The following IGSF11 variants were observed in gnomAD, a reference collection of about 807,000 sequenced individuals.
The protein encoded by IGSF11 is CXADR like 1.
IGSF11 carries 22 observed loss-of-function variants against 41.0 expected under a neutral mutation model. The ratio of observed to expected loss-of-function variants is 0.54; its 90% CI spans 0.38 to 0.77. IGSF11 has a LOEUF of 0.77. Among genes scored for constraint, IGSF11 ranks in the 30% least tolerant of loss-of-function variants. IGSF11 has a pLI of 0.00. For synonymous variants in IGSF11, 219 were observed against 201.3 expected, an observed-to-expected ratio of 1.09 and a Z score of -0.74; for missense variants, 444 against 530.8, an observed-to-expected ratio of 0.84 and a Z score of 1.61.
intron 1 of IGSF11, among the ~76,000 whole-genome samples, chr3:118,939,268 T>C (rs1381537857): frequency 2.0e-5 from 3 of 152,166 alleles, no homozygotes; most frequent in Non-Finnish European, 2.9e-5. Flanking sequence ...AAAACCATCA[T>C]GTATTTTTTT....
At chr3:119,065,500 G>A (rs1490812286) in intron 1 of IGSF11, among the ~76,000 whole-genome samples, 1 of 152,018 alleles carries the variant, frequency 6.6e-6, no homozygotes, top group Non-Finnish European at 1.5e-5. Context: ...CTCACAAAAA[G>A]CAAGGAAGCA....
chr3:119,088,519 A>G (rs2076713994), intron 1 of IGSF11, among the ~76,000 whole-genome samples: 1 of 152,162 alleles, frequency 6.6e-6, no homozygotes. Flanking sequence ...TAAAGGCACT[A>G]CAAAAAAACA....
chr3:118,914,703 T>G, intron 4 of IGSF11, among the ~76,000 whole-genome samples: 1 of 143,262 alleles, frequency 7.0e-6, no homozygotes, highest in African/African-American at 2.7e-5. Context: ...TTGCCCAGGC[T>G]TGCTTAGGTA....
At chr3:119,004,299 C>T (rs1378083919) in intron 1 of IGSF11, among the ~76,000 whole-genome samples, 13 of 151,630 alleles carry the variant, frequency 8.6e-5, no homozygotes, top group Non-Finnish European at 1.5e-4. Context: ...TCTGTGGGAT[C>T]GGTGGTGATA....
In IGSF11 at chr3:119,017,039, C is replaced by CAAAA. The variant is rs60190891; in HGVS notation, c.52+17488_52+17491dup. On this transcript the variant is annotated intron_variant, in intron 1 of 6. Transcript: ENST00000393775. ...TGAGCAAAGTTAAATGGACGCAGGA[C>CAAAA]AAAAAAAAAAAAAAAAAAGCCAACT... 4.3e-4 allele frequency among the ~76,000 whole-genome samples: 38 copies of CAAAA among 88,320 alleles called. 1 individual carries two copies. The highest frequency in any genetic ancestry group is 1.2e-3 in the African/African-American group (33 of 26,752). 57.9% of individuals were successfully genotyped at this position (88,320 alleles called of 152,430 possible).
intron 1 of IGSF11, among the ~76,000 whole-genome samples, chr3:118,944,457 TACACACAC>T (rs3079206): frequency 0.13 from 16,280 of 125,690 alleles, 1,135 homozygotes; most frequent in Admixed American, 0.2. Flanking sequence ...TAGCTTGAAA[TACACACAC>T]ACACACACAC....
chr3:119,144,952 C>T (rs765787967), intron 1 of IGSF11, among the ~76,000 whole-genome samples: 3 of 152,070 alleles, frequency 2.0e-5, no homozygotes, highest in African/African-American at 4.8e-5. Flanking sequence ...AGCCCAAGAC[C>T]TATTTTACTC....
intron 1 of IGSF11, among the ~76,000 whole-genome samples, chr3:118,984,095 T>C (rs1053729529): frequency 2.0e-5 from 3 of 151,928 alleles, no homozygotes; most frequent in Admixed American, 6.6e-5. Flanking sequence ...TTCTAGTCTA[T>C]AAAATCTTTT....
At position 119,093,028 on chromosome 3, in the gene IGSF11, C is replaced by A. The variant is rs371303655; in HGVS notation, c.49+12116G>T. ...ACACTGTATGATGTTTGCACAATGA[C>A]AAAATTATCTAACAATGCATTTTTC... On this transcript the variant is annotated intron_variant, in intron 1 of 6. Coordinates refer to the IGSF11 transcript ENST00000354673. Among the ~76,000 whole-genome samples, 10 of 150,498 alleles carry A rather than the reference C, an allele frequency of 6.6e-5. No individual in the cohort carries two copies. In the South Asian group the frequency reaches 2.1e-3, roughly 32 times the overall value.
chr3:118,929,573 AT>A (rs900860557), intron 2 of IGSF11, among the ~76,000 whole-genome samples: 4 of 152,282 alleles, frequency 2.6e-5, no homozygotes. Flanking sequence ...TCTACAAATT[AT>A]GTGTCTTTTT....
chr3:119,140,817 G>A (rs1344878853), intron 1 of IGSF11, among the ~76,000 whole-genome samples: 4 of 151,960 alleles, frequency 2.6e-5, no homozygotes, highest in Non-Finnish European at 4.4e-5. Context: ...GCCGAGGAGG[G>A]TGGATCACCT....
intron 4 of IGSF11, among the ~76,000 whole-genome samples, chr3:118,913,003 AAAG>A (rs1940534458): frequency 6.6e-6 from 1 of 152,058 alleles, no homozygotes. Flanking sequence ...CCATCTCTTA[AAAG>A]AAGGAAAGAA....
chr3:119,018,342 T>C (rs564685068), intron 1 of IGSF11, among the ~76,000 whole-genome samples: 1 of 152,344 alleles, frequency 6.6e-6, no homozygotes, highest in Admixed American at 6.5e-5. Context: ...AAGTTTCTAA[T>C]GTTTAGGGTT....
At chr3:119,105,517 A>T (rs571999741), upstream of IGSF11, among the ~76,000 whole-genome samples, 11 of 152,294 alleles carry the variant, frequency 7.2e-5, no homozygotes, top group East Asian at 1.5e-3. Flanking sequence ...CCATCCAGAG[A>T]CTTTGACCTT....
chr3:119,059,536 G>T (rs1002401342), intron 1 of IGSF11, among the ~76,000 whole-genome samples: 2 of 151,994 alleles, frequency 1.3e-5, no homozygotes, highest in Admixed American at 1.3e-4. Context: ...AAAATACCAC[G>T]TGTTCCCCAA....
chr3:119,034,456 G>T (rs1940734134), intron 1 of IGSF11, 75 bp downstream of exon 1: 11 of 1,347,728 alleles, frequency 8.2e-6, no homozygotes, highest in Non-Finnish European at 1.1e-5. Context: ...GCTCTTTGCC[G>T]TCCCCAAACA....
At chr3:118,981,017 G>A (rs921075766) in intron 1 of IGSF11, among the ~76,000 whole-genome samples, 3 of 152,170 alleles carry the variant, frequency 2.0e-5, no homozygotes, top group Admixed American at 2.0e-4. Context: ...GGGAAGCAGA[G>A]TAACATCTGG....
At position 119,114,905 on chromosome 3, in the gene IGSF11, C is replaced by T. The variant is rs566989209; in HGVS notation, c.-13-9700G>A. Reference sequence around the variant, plus strand: ...TGTACAGGAAACATGGCTGGGGAGGCCTCAGGAAACTTATAATCATGATGG... The same window carrying T: ...TGTACAGGAAACATGGCTGGGGAGGTCTCAGGAAACTTATAATCATGATGG... On this transcript the variant is annotated intron_variant, in intron 1 of 7. Coordinates refer to the IGSF11 transcript ENST00000425327. Among the ~76,000 whole-genome samples, 11 of 152,232 alleles carry T rather than the reference C, an allele frequency of 7.2e-5. No individual in the cohort carries two copies. The South Asian group carries it at 2.1e-3, about 29-fold the overall frequency.
intron 2 of IGSF11, among the ~76,000 whole-genome samples, chr3:118,929,033 A>G (rs762772070): frequency 6.6e-6 from 1 of 152,194 alleles, no homozygotes; most frequent in Non-Finnish European, 1.5e-5. Context: ...TTCCAAAACA[A>G]AAATTAAAAA....
Sources: allele counts gnomAD v4.1 joint callset (sites outside exome capture counted in the v4.1 genomes callset), GRCh38; gene constraint gnomAD v4.1.1; transcripts MANE v1.5; gene names NCBI Gene and HGNC (gene_info 2026-07-23, HGNC 2026-07-21).